Variants in CEP152 observed in about 807,000 individuals in gnomAD.
CEP152 encodes the protein centrosomal protein of 152 kDa.
CEP152 carries 132 observed loss-of-function variants against 188.9 expected under a neutral mutation model. The ratio of observed to expected loss-of-function variants is 0.70; its 90% CI spans 0.61 to 0.81. The LOEUF (loss-of-function observed/expected upper bound fraction) is 0.81, where lower values mean the gene tolerates loss of function less well. Ranked by LOEUF, CEP152 falls within the 30% of genes least tolerant of loss-of-function variation. The probability of loss-of-function intolerance (pLI) is 0.00; values close to 1 mark genes in which losing one functional copy is unlikely to be tolerated. For synonymous variants in CEP152, 649 were observed against 666.6 expected, an observed-to-expected ratio of 0.97 and a Z score of 0.41; for missense variants, 1,914 against 1,969.8, an observed-to-expected ratio of 0.97 and a Z score of 0.54.
intron 24 of CEP152, among the ~76,000 whole-genome samples, chr15:48,743,713 A>G (rs552181062): frequency 8.0e-4 from 122 of 152,240 alleles, no homozygotes; most frequent in Middle Eastern, 3.4e-3. Context: ...AAATACAAAA[A>G]TTAGCTGGGT....
intron 2 of CEP152, among the ~76,000 whole-genome samples, chr15:48,800,733 A>G (rs182501548): frequency 2.0e-4 from 31 of 152,326 alleles, no homozygotes; most frequent in African/African-American, 3.8e-4. Flanking sequence ...CCGAGTTTAA[A>G]AATTTAACAG....
chr15:48,802,859 T>C (rs986123456), intron 2 of CEP152, among the ~76,000 whole-genome samples: 4 of 152,246 alleles, frequency 2.6e-5, no homozygotes, highest in African/African-American at 9.6e-5. Flanking sequence ...AAGGTTGGAA[T>C]GGTGTATTCA....
chr15:48,799,495 C>CA (rs1185353712), intron 2 of CEP152, among the ~76,000 whole-genome samples: 1 of 151,838 alleles, frequency 6.6e-6, no homozygotes, highest in Admixed American at 6.6e-5. Context: ...AAGGGTTTCT[C>CA]AATCCATTTG....
In CEP152 at chr15:48,787,163, G is replaced by GT. The variant is rs747436177; in HGVS notation, c.1173+1637dup. On this transcript the variant is annotated intron_variant, in intron 9 of 26. Coordinates refer to ENST00000380950, the MANE Select transcript of CEP152 (RefSeq NM_001194998.2). ...TTTTCAATAATTTGGTATAGCCTTCGTTTTTTTTTTTTTTTTTTTCTGGAA... is the reference window on the plus strand; with the variant it reads ...TTTTCAATAATTTGGTATAGCCTTCGTTTTTTTTTTTTTTTTTTTTCTGGAA... 3.6e-3 allele frequency among the ~76,000 whole-genome samples: 363 copies of GT among 101,494 alleles called. 25 individuals carry two copies. Among genetic ancestry groups the GT allele is most frequent in the African/African-American group, 0.012 (317 of 26,896 alleles). 66.6% of individuals were successfully genotyped at this position (101,494 alleles called of 152,430 possible).
chr15:48,765,711 T>C (rs766005424), intron 17 of CEP152: 3 of 360,498 alleles, frequency 8.3e-6, no homozygotes, highest in South Asian at 2.0e-5. Flanking sequence ...TGGAGTGCAG[T>C]GGCGCAATCT....
rs149695183 is a variant in CEP152, at chr15:48,769,114, T to C, written c.1783-33A>G. The C allele has an allele frequency of 1.8e-4, 280 of 1,559,782 alleles. 1 individual carries two copies. In the East Asian group the frequency reaches 5.5e-3, roughly 31 times the overall value. On this transcript the variant is annotated intron_variant, in intron 13 of 26. Transcript: ENST00000380950. ...TTAAAAGGTCAAAAGTTTTACAAGTTTTAAAAAATTCTAAGTTTCACTTTG... is the reference window on the plus strand; with the variant it reads ...TTAAAAGGTCAAAAGTTTTACAAGTCTTAAAAAATTCTAAGTTTCACTTTG...
At chr15:48,777,149 G>A (rs1212617533) in intron 12 of CEP152, among the ~76,000 whole-genome samples, 2 of 151,892 alleles carry the variant, frequency 1.3e-5, no homozygotes, top group Admixed American at 6.6e-5. Context: ...GCCTGGTTGG[G>A]ATCCCAGAAC....
intron 1 of CEP152, chr15:48,810,543 A>G (rs1898263493): frequency 6.6e-6 from 1 of 152,314 alleles, no homozygotes; most frequent in African/African-American, 2.4e-5. Context: ...GGCGTCAGCT[A>G]CGGCACTACA....
chr15:48,795,397 C>T (rs963413463), intron 6 of CEP152, among the ~76,000 whole-genome samples: 7 of 152,132 alleles, frequency 4.6e-5, no homozygotes, highest in African/African-American at 1.7e-4. Flanking sequence ...GATGATAGTG[C>T]TGATGTATTA....
chr15:48,774,707 G>T (rs1316032882), intron 12 of CEP152, among the ~76,000 whole-genome samples: 1 of 152,170 alleles, frequency 6.6e-6, no homozygotes, highest in Non-Finnish European at 1.5e-5. Flanking sequence ...GAACCAAACA[G>T]ATTTAAAACA....
intron 22 of CEP152, among the ~76,000 whole-genome samples, chr15:48,745,278 C>T (rs751222677): frequency 5.9e-5 from 9 of 152,064 alleles, no homozygotes; most frequent in Non-Finnish European, 1.2e-4. Context: ...TGTGCTGAAG[C>T]TCTGTAGAAA....
intron 12 of CEP152, among the ~76,000 whole-genome samples, chr15:48,777,280 T>C (rs2140815759): frequency 6.6e-6 from 1 of 152,130 alleles, no homozygotes; most frequent in South Asian, 2.1e-4. Flanking sequence ...CATAAGGTAT[T>C]AGTAGGGAAA....
chr15:48,792,651 T>C (rs992336707), intron 7 of CEP152, among the ~76,000 whole-genome samples: 1 of 152,136 alleles, frequency 6.6e-6, no homozygotes, highest in Non-Finnish European at 1.5e-5. Context: ...TAAACACAAA[T>C]CACTCTGAAA....
intron 17 of CEP152, chr15:48,765,701 T>C (rs1895026239): frequency 2.7e-6 from 1 of 366,984 alleles, no homozygotes; most frequent in South Asian, 2.0e-5. Context: ...TCGCCCAGGC[T>C]GGAGTGCAGT....
intron 13 of CEP152, among the ~76,000 whole-genome samples, chr15:48,769,838 G>A (rs985521507): frequency 2.0e-5 from 3 of 152,144 alleles, no homozygotes; most frequent in African/African-American, 7.2e-5. Context: ...TTGGCGAATT[G>A]CCTTCCAGAA....
At chr15:48,748,372 T>C in intron 22 of CEP152, 71 bp downstream of exon 22, 2 of 1,430,436 alleles carry the variant, frequency 1.4e-6, no homozygotes, top group Non-Finnish European at 1.8e-6. Flanking sequence ...TTAACTAAAA[T>C]GTCACATTTG....
At chr15:48,747,102 A>C (rs1489280477) in intron 22 of CEP152, among the ~76,000 whole-genome samples, 5 of 152,182 alleles carry the variant, frequency 3.3e-5, no homozygotes, top group Admixed American at 2.6e-4. Flanking sequence ...CAAGCCACTG[A>C]AGAGCTTTAA....
intron 2 of CEP152, 85 bp downstream of exon 2, chr15:48,805,478 A>G (rs1052992035): frequency 6.6e-7 from 1 of 1,507,134 alleles, no homozygotes; most frequent in Non-Finnish European, 8.9e-7. Context: ...AAAATGACAC[A>G]AGATGATACA....
In CEP152 at chr15:48,797,478, A is replaced by G. The variant is rs751587656; in HGVS notation, c.363T>C (p.Pro121=). 1 of 1,614,188 alleles carries G rather than the reference A, an allele frequency of 6.2e-7. No homozygotes were observed. Among genetic ancestry groups the G allele is most frequent in the Admixed American group, 1.7e-5 (1 of 60,024 alleles). ...KTEDRHPVYH[P]EEGGDEGGSG... ...TTCCACCTTCATCTCCACCTTCTTC[A>G]GGATGGTACACAGGATGTCGGTCTT... The change falls in exon 5 of 27, where the codon CCT becomes CCC. Residue 121 remains proline (P), a synonymous_variant. Transcript: ENST00000380950.
Sources: allele counts gnomAD v4.1 joint callset (sites outside exome capture counted in the v4.1 genomes callset), GRCh38; gene constraint gnomAD v4.1.1; transcripts MANE v1.5; gene names NCBI Gene and HGNC (gene_info 2026-07-23, HGNC 2026-07-21).